CADPS2: variants seen among roughly 807,000 people sequenced by gnomAD.
CADPS2 encodes calcium-dependent secretion activator 2.
In CADPS2, 93 loss-of-function variants were observed where a neutral mutation model predicts 172.5. The observed-to-expected ratio is 0.54, with a 90% confidence interval of 0.46 to 0.64. CADPS2 has a LOEUF of 0.64. Ranked by LOEUF, CADPS2 falls within the 30% of genes least tolerant of loss-of-function variation. The pLI, the probability that CADPS2 is intolerant of heterozygous loss-of-function variation, is 0.00. For synonymous variants in CADPS2, 546 were observed against 555.2 expected (o/e 0.98, Z 0.23); for missense variants, 1,420 against 1,565.9 (o/e 0.91, Z 1.57).
chr7:122,477,378 T>C (rs535644541), intron 12 of CADPS2, among the ~76,000 whole-genome samples: 1 of 151,478 alleles, frequency 6.6e-6, no homozygotes, highest in African/African-American at 2.4e-5. Flanking sequence ...TAGCTGGACA[T>C]GGTGGCAGGC....
chr7:122,468,555 A>G (rs1269118888), intron 14 of CADPS2, among the ~76,000 whole-genome samples: 1 of 152,206 alleles, frequency 6.6e-6, no homozygotes, highest in Non-Finnish European at 1.5e-5. Flanking sequence ...TAAATGGCAA[A>G]GAAAAATATA....
chr7:122,728,326 A>G (rs571094026), intron 2 of CADPS2, among the ~76,000 whole-genome samples: 4 of 152,046 alleles, frequency 2.6e-5, no homozygotes, highest in African/African-American at 9.6e-5. Context: ...AAAGAAATCA[A>G]TAAACAACTG....
At position 122,635,619 on chromosome 7, in the gene CADPS2, T is replaced by C. The variant is rs537288929; in HGVS notation, c.787-6291A>G. Among the ~76,000 whole-genome samples the C allele has an allele frequency of 1.0e-3, 152 of 152,338 alleles. 6 individuals are homozygous for C. The South Asian group carries it at 0.03, about 30-fold the overall frequency. On this transcript the variant is annotated intron_variant, in intron 3 of 29. Coordinates refer to ENST00000449022, the MANE Select transcript of CADPS2 (RefSeq NM_017954.11). ...ACAAAGGACATGAACTCATCATTTTTTATGGCTGCATAGTATTCCATGGTG... is the reference window on the plus strand; with the variant it reads ...ACAAAGGACATGAACTCATCATTTTCTATGGCTGCATAGTATTCCATGGTG...
intron 1 of CADPS2, among the ~76,000 whole-genome samples, chr7:122,780,222 C>A (rs1024793039): frequency 2.0e-5 from 3 of 151,918 alleles, no homozygotes; most frequent in African/African-American, 7.3e-5. Context: ...CACTTGTTTT[C>A]TTTTCTGCTT....
chr7:122,851,608 G>T (rs1322225853), intron 1 of CADPS2, among the ~76,000 whole-genome samples: 1 of 152,194 alleles, frequency 6.6e-6, no homozygotes, highest in Admixed American at 6.5e-5. Flanking sequence ...GAGGTTTGAT[G>T]AACTCACAGT....
At chr7:122,680,048 T>C (rs957609722) in intron 2 of CADPS2, among the ~76,000 whole-genome samples, 4 of 152,248 alleles carry the variant, frequency 2.6e-5, no homozygotes, top group African/African-American at 9.6e-5. Flanking sequence ...AGAAGCAAGA[T>C]AGAGTCAGCT....
intron 6 of CADPS2, among the ~76,000 whole-genome samples, chr7:122,587,707 C>T (rs2069984078): frequency 6.6e-6 from 1 of 152,042 alleles, no homozygotes; most frequent in Admixed American, 6.6e-5. Context: ...GTGCATGTAT[C>T]TTTGTAACAG....
At chr7:122,540,683 G>T (rs901575706) in intron 8 of CADPS2, among the ~76,000 whole-genome samples, 1 of 152,044 alleles carries the variant, frequency 6.6e-6, no homozygotes, top group African/African-American at 2.4e-5. Context: ...ATTACCATGG[G>T]AAACATTAAA....
intron 1 of CADPS2, among the ~76,000 whole-genome samples, chr7:122,758,961 C>G (rs868003058): frequency 1.3e-5 from 2 of 149,480 alleles, no homozygotes; most frequent in Non-Finnish European, 3.0e-5. Context: ...TTTTACTTAG[C>G]GCAAACCAAA....
intron 8 of CADPS2, among the ~76,000 whole-genome samples, chr7:122,541,890 T>C (rs1382540581): frequency 6.9e-6 from 1 of 144,910 alleles, no homozygotes; most frequent in Non-Finnish European, 1.5e-5. Flanking sequence ...TATATATTCA[T>C]ATATATTTAT....
At chr7:122,382,268 G>A (rs903874698) in intron 24 of CADPS2, 6 of 152,250 alleles carry the variant, frequency 3.9e-5, no homozygotes, top group African/African-American at 1.4e-4. Flanking sequence ...GAACAAGGAT[G>A]AAACCAGAAA....
chr7:122,400,123 A>G (rs1239906972), intron 20 of CADPS2, among the ~76,000 whole-genome samples: 4 of 152,020 alleles, frequency 2.6e-5, no homozygotes, highest in East Asian at 1.9e-4. Flanking sequence ...AAATTTTTAA[A>G]AAGTCTACAA....
At chr7:122,677,070 A>G (rs1243012838) in intron 2 of CADPS2, among the ~76,000 whole-genome samples, 1 of 152,182 alleles carries the variant, frequency 6.6e-6, no homozygotes, top group African/African-American at 2.4e-5. Flanking sequence ...TGTTCAATAA[A>G]TGTTTACCAA....
At chr7:122,660,195 A>T (rs2080365321) in intron 3 of CADPS2, among the ~76,000 whole-genome samples, 1 of 152,218 alleles carries the variant, frequency 6.6e-6, no homozygotes, top group East Asian at 1.9e-4. Context: ...ATAGCATATT[A>T]TAAATGAAGT....
intron 2 of CADPS2, among the ~76,000 whole-genome samples, chr7:122,674,065 G>A (rs2082150617): frequency 6.6e-6 from 1 of 152,168 alleles, no homozygotes; most frequent in African/African-American, 2.4e-5. Flanking sequence ...ACAGCTGCTG[G>A]CCCAGGTGCT....
intron 3 of CADPS2, among the ~76,000 whole-genome samples, chr7:122,645,312 T>C (rs145870733): frequency 0.035 from 4,586 of 131,856 alleles, 354 homozygotes; most frequent in African/African-American, 0.12. Flanking sequence ...TATGTACATG[T>C]GTGTATACAT....
intron 1 of CADPS2, among the ~76,000 whole-genome samples, chr7:122,885,034 G>C (rs1050574704): frequency 1.3e-5 from 2 of 152,142 alleles, no homozygotes; most frequent in African/African-American, 4.8e-5. Flanking sequence ...TGGATCTCTA[G>C]GTCTTGTCAC....
At chr7:122,661,941 T>A (rs6466830) in intron 3 of CADPS2, among the ~76,000 whole-genome samples, 7,780 of 152,294 alleles carry the variant, frequency 0.051, 260 homozygotes, top group African/African-American at 0.059. Context: ...TTTTATAGTC[T>A]TCTTCCACTA....
intron 1 of CADPS2, among the ~76,000 whole-genome samples, chr7:122,859,242 A>T (rs1816238672): frequency 6.7e-6 from 1 of 150,342 alleles, no homozygotes; most frequent in Admixed American, 6.6e-5. Flanking sequence ...TTAAAAGTTT[A>T]AAGTTTTATA....
Sources: gnomAD v4.1 joint callset for allele counts (sites outside exome capture counted in the v4.1 genomes callset) on GRCh38, gnomAD v4.1.1 for gene constraint, MANE v1.5 for transcripts, NCBI Gene and HGNC (gene_info 2026-07-23, HGNC 2026-07-21) for gene names.